The following PARD3 variants were observed in gnomAD, a reference collection of about 807,000 sequenced individuals.
The protein encoded by PARD3 is partitioning defective 3 homolog.
In PARD3, 75 loss-of-function variants were observed where a neutral mutation model predicts 155.4. The ratio of observed to expected loss-of-function variants is 0.48; its 90% confidence interval spans 0.40 to 0.58. The LOEUF is 0.58. PARD3 is among the 20% of genes least tolerant of loss of function. PARD3 has a pLI of 0.00. For synonymous variants in PARD3, 576 were observed against 610.5 expected (o/e 0.94, Z 0.83); for missense variants, 1,642 against 1,721.7 (o/e 0.95, Z 0.82).
At chr10:34,547,629 T>TCC (rs1268767380) in intron 2 of PARD3, among the ~76,000 whole-genome samples, 3 of 152,182 alleles carry the variant, frequency 2.0e-5, no homozygotes, top group African/African-American at 7.2e-5. Flanking sequence ...TTGGGTGAGT[T>TCC]CCCGATAGGA....
rs34751073 is a variant in PARD3, at chr10:34,716,585, C to CTTTTTTT, written c.121-20173_121-20167dup. Among the ~76,000 whole-genome samples the CTTTTTTT allele has an allele frequency of 2.2e-4, 16 of 73,252 alleles. 1 individual carries two copies. Among genetic ancestry groups the CTTTTTTT allele is most frequent in the East Asian group, 5.2e-4 (1 of 1,938 alleles). 48.1% of individuals were successfully genotyped at this position (73,252 alleles called of 152,430 possible). On this transcript the variant is annotated intron_variant, in intron 1 of 24. Transcript: ENST00000374788. ...CTACGTGTGGCCCAGGATGGCTTTT[C>CTTTTTTT]TTTTTTTTTTTTTTTTTTTTTTTTG...
chr10:34,208,968 T>C (rs1345378648), intron 22 of PARD3, among the ~76,000 whole-genome samples: 1 of 152,228 alleles, frequency 6.6e-6, no homozygotes, highest in Admixed American at 6.5e-5. Flanking sequence ...TCTTTAAGCT[T>C]TCAGAAATAT....
intron 23 of PARD3, among the ~76,000 whole-genome samples, chr10:34,120,033 T>TA (rs869162166): frequency 7.1e-5 from 10 of 141,634 alleles, no homozygotes; most frequent in Non-Finnish European, 1.1e-4. Context: ...TTTTTTTTTT[T>TA]AGAGATGGGA....
At chr10:34,691,353 A>G (rs2094058259) in intron 2 of PARD3, among the ~76,000 whole-genome samples, 1 of 152,244 alleles carries the variant, frequency 6.6e-6, no homozygotes, top group Non-Finnish European at 1.5e-5. Context: ...ATAGCCACAA[A>G]AAGAATAACA....
intron 22 of PARD3, among the ~76,000 whole-genome samples, chr10:34,145,203 ATATATATATATATATATAT>A (rs1359672241): frequency 1.7e-5 from 1 of 59,868 alleles, no homozygotes; most frequent in African/African-American, 9.2e-5. Context: ...ATATATATAT[ATATATATATATATATATAT>A]TTTTTTTTTT....
intron 2 of PARD3, among the ~76,000 whole-genome samples, chr10:34,576,516 A>G (rs2086899295): frequency 6.7e-6 from 1 of 149,044 alleles, no homozygotes; most frequent in Non-Finnish European, 1.5e-5. Flanking sequence ...GGGACAAAAG[A>G]AAAAAAAAAG....
At chr10:34,592,077 G>A (rs1159066190) in intron 2 of PARD3, among the ~76,000 whole-genome samples, 1 of 151,676 alleles carries the variant, frequency 6.6e-6, no homozygotes, top group East Asian at 1.9e-4. Context: ...CTTCAGTCCT[G>A]ACACAGACCC....
At chr10:34,602,175 CAA>C (rs1157361547) in intron 2 of PARD3, among the ~76,000 whole-genome samples, 1 of 152,138 alleles carries the variant, frequency 6.6e-6, no homozygotes, top group African/African-American at 2.4e-5. Flanking sequence ...GCAGAAGACT[CAA>C]AAGAGAAACT....
At chr10:34,376,592 C>G (rs1425153019) in intron 10 of PARD3, among the ~76,000 whole-genome samples, 2 of 152,204 alleles carry the variant, frequency 1.3e-5, no homozygotes, top group East Asian at 3.9e-4. Flanking sequence ...ACTCAAACAT[C>G]TGTTATTTAG....
intron 22 of PARD3, among the ~76,000 whole-genome samples, chr10:34,141,224 AGGAAATATCAT>A (rs1366187139): frequency 6.6e-6 from 1 of 152,198 alleles, no homozygotes; most frequent in Non-Finnish European, 1.5e-5. Context: ...TTAACTACTT[AGGAAATATCAT>A]GTCATTTTCA....
chr10:34,394,055 C>T (rs1843094356), intron 7 of PARD3, among the ~76,000 whole-genome samples: 2 of 151,962 alleles, frequency 1.3e-5, no homozygotes, highest in Non-Finnish European at 2.9e-5. Context: ...CCAGGATGGA[C>T]TCGATCTCTT....
At chr10:34,217,322 A>C (rs1952047834) in intron 22 of PARD3, among the ~76,000 whole-genome samples, 1 of 152,158 alleles carries the variant, frequency 6.6e-6, no homozygotes, top group African/African-American at 2.4e-5. Flanking sequence ...GATACTGCTC[A>C]CAGCTTTGGT....
At chr10:34,485,489 A>G (rs368973636) in intron 3 of PARD3, among the ~76,000 whole-genome samples, 2 of 152,232 alleles carry the variant, frequency 1.3e-5, no homozygotes, top group Non-Finnish European at 2.9e-5. Flanking sequence ...ATCAATCAAT[A>G]CATGTAAGGT....
At chr10:34,518,175 G>A (rs1367265648) in intron 2 of PARD3, among the ~76,000 whole-genome samples, 1 of 152,160 alleles carries the variant, frequency 6.6e-6, no homozygotes, top group African/African-American at 2.4e-5. Flanking sequence ...CACTGCTCCC[G>A]GCCAAACTCA....
chr10:34,471,254 T>G (rs1564750059), intron 3 of PARD3, among the ~76,000 whole-genome samples: 1 of 152,230 alleles, frequency 6.6e-6, no homozygotes, highest in Non-Finnish European at 1.5e-5. Context: ...AAGAGCTTGC[T>G]TGCAATTGCT....
chr10:34,650,663 C>G (rs1460274326), intron 2 of PARD3, among the ~76,000 whole-genome samples: 2 of 152,096 alleles, frequency 1.3e-5, no homozygotes, highest in Admixed American at 1.3e-4. Flanking sequence ...ATTGCCAGCA[C>G]TTAGGTCAGA....
At chr10:34,800,524 T>C (rs1414626780) in intron 1 of PARD3, among the ~76,000 whole-genome samples, 2 of 150,852 alleles carry the variant, frequency 1.3e-5, no homozygotes, top group African/African-American at 4.9e-5. Flanking sequence ...GGCAGGAGAA[T>C]TGCTTGAACC....
At chr10:34,567,791 A>G (rs957422805) in intron 2 of PARD3, among the ~76,000 whole-genome samples, 1 of 152,238 alleles carries the variant, frequency 6.6e-6, no homozygotes, top group East Asian at 1.9e-4. Flanking sequence ...AGCTATCAAT[A>G]TTGTACCAAG....
chr10:34,147,199 A>C (rs899216270), intron 22 of PARD3, among the ~76,000 whole-genome samples: 1 of 151,812 alleles, frequency 6.6e-6, no homozygotes, highest in African/African-American at 2.4e-5. Flanking sequence ...TTTCTGACAG[A>C]CCCCCCACCT....
Sources: gnomAD v4.1 joint callset for allele counts (sites outside exome capture counted in the v4.1 genomes callset) on GRCh38, gnomAD v4.1.1 for gene constraint, MANE v1.5 for transcripts, NCBI Gene and HGNC (gene_info 2026-07-23, HGNC 2026-07-21) for gene names.